Variants in PHF21B observed in about 807,000 individuals in gnomAD.
PHF21B encodes PHD finger protein 21B.
In PHF21B, 22 loss-of-function variants were observed where a neutral mutation model predicts 62.2. The ratio of observed to expected loss-of-function variants is 0.35; its 90% CI spans 0.25 to 0.51. The LOEUF (loss-of-function observed/expected upper bound fraction) is 0.51. Ranked by LOEUF, PHF21B falls within the 20% of genes least tolerant of loss-of-function variation. The probability of loss-of-function intolerance (pLI) is 0.97; values close to 1 mark genes in which losing one functional copy is unlikely to be tolerated. For missense variants in PHF21B, 701 were observed against 707.9 expected (o/e 0.99, Z 0.11); for synonymous variants, 341 against 314.7 (o/e 1.08, Z -0.88).
rs374091804 is a variant in PHF21B, at chr22:44,885,951, C to T, written c.1198-13G>A. 100 of 1,613,050 alleles carry T rather than the reference C, an allele frequency of 6.2e-5. 2 individuals are homozygous for T. In the South Asian group the frequency reaches 6.8e-4, roughly 11 times the overall value. ...CTTTCTTTAAGGCCTGGGGAGCAGA[C>T]GGGGAGATGAAAAAGTGGACAGGCC... On this transcript the variant is annotated splice_polypyrimidine_tract_variant and intron_variant, in intron 10 of 12. Transcript: ENST00000313237.
At chr22:44,949,133 C>A (rs1474922316) in intron 2 of PHF21B, among the ~76,000 whole-genome samples, 1 of 151,980 alleles carries the variant, frequency 6.6e-6, no homozygotes, top group African/African-American at 2.4e-5. Context: ...GAAACCCCGT[C>A]TCTACTAAAA....
At chr22:44,928,705 T>C (rs2071682068) in intron 2 of PHF21B, among the ~76,000 whole-genome samples, 1 of 152,188 alleles carries the variant, frequency 6.6e-6, no homozygotes, top group African/African-American at 2.4e-5. Context: ...CCAACACACA[T>C]GGCTTAAAGG....
intron 2 of PHF21B, among the ~76,000 whole-genome samples, chr22:44,944,978 A>C (rs1182604586): frequency 8.8e-6 from 1 of 113,550 alleles, no homozygotes; most frequent in African/African-American, 3.0e-5. Flanking sequence ...AGCGATCCTT[A>C]CCTCTTAGGA....
intron 2 of PHF21B, among the ~76,000 whole-genome samples, chr22:44,962,453 A>T (rs12159521): frequency 1.5e-4 from 23 of 152,358 alleles, no homozygotes; most frequent in African/African-American, 5.3e-4. Context: ...GGCTGATGGG[A>T]GCTGCAGCTC....
At chr22:44,984,512 G>T (rs565738107) in intron 2 of PHF21B, among the ~76,000 whole-genome samples, 4 of 152,312 alleles carry the variant, frequency 2.6e-5, no homozygotes, top group Admixed American at 1.3e-4. Context: ...TTCCGCAGGT[G>T]AACAGAGCTC....
At chr22:45,008,723 G>C in intron 1 of PHF21B, 113 bp from the exon 2 acceptor site, 2 of 1,168,548 alleles carry the variant, frequency 1.7e-6, no homozygotes, top group South Asian at 8.1e-5. Context: ...GCCGGCCGCA[G>C]CGCACCCCAA....
At chr22:44,950,096 A>G (rs538287300) in intron 2 of PHF21B, among the ~76,000 whole-genome samples, 1 of 152,306 alleles carries the variant, frequency 6.6e-6, no homozygotes, top group East Asian at 1.9e-4. Flanking sequence ...GACCAACATA[A>G]AGTGATCAAT....
chr22:44,918,336 G>A (rs2071476093), intron 3 of PHF21B, among the ~76,000 whole-genome samples: 1 of 152,214 alleles, frequency 6.6e-6, no homozygotes, highest in Admixed American at 6.5e-5. Context: ...CCCACCCTAT[G>A]TAAGCAGACT....
rs745714514 is a variant in PHF21B, at chr22:44,883,118, G to A, written c.1564C>T (p.Pro522Ser). The A allele has an allele frequency of 2.2e-5, 35 of 1,612,286 alleles. No individual in the cohort carries two copies. The highest frequency in any genetic ancestry group is 1.9e-4 in the South Asian group (17 of 91,030). The change falls in exon 13 of 13, where the codon CCC becomes TCC. Residue 522 changes from proline to serine, a missense_variant. Coordinates refer to ENST00000313237, the MANE Select transcript of PHF21B (RefSeq NM_138415.5). ...WTKPSVAATH[P>S]TVQHPQGHN ...TGGCCCTGGGGGTGCTGGACGGTGG[G>A]GTGTGTGGCTGCCACTGAGGGCTTG... is the stretch of plus-strand genomic sequence containing the variant.
intron 2 of PHF21B, among the ~76,000 whole-genome samples, chr22:44,923,426 AC>A (rs1183021419): frequency 1.3e-5 from 2 of 152,208 alleles, no homozygotes; most frequent in Non-Finnish European, 2.9e-5. Context: ...ATAAAATGTA[AC>A]AGAAATCTTT....
intron 2 of PHF21B, among the ~76,000 whole-genome samples, chr22:44,945,398 C>T (rs567064216): frequency 1.1e-4 from 17 of 152,308 alleles, no homozygotes; most frequent in South Asian, 4.2e-4. Context: ...CCCAAGCAGC[C>T]GCCCCTAGAA....
At chr22:44,959,170 G>C (rs2350225) in intron 2 of PHF21B, among the ~76,000 whole-genome samples, 110,073 of 152,028 alleles carry the variant, frequency 0.72, 41,154 homozygotes, top group East Asian at 0.89. Context: ...GGCATGTCCT[G>C]AGACTGCTGA....
At chr22:45,000,000 G>A (rs1427868535) in intron 2 of PHF21B, among the ~76,000 whole-genome samples, 1 of 152,064 alleles carries the variant, frequency 6.6e-6, no homozygotes, top group Non-Finnish European at 1.5e-5. Flanking sequence ...CGAGCACCAG[G>A]CACTCTGCTG....
intron 2 of PHF21B, among the ~76,000 whole-genome samples, chr22:44,972,469 A>C (rs901774980): frequency 6.6e-6 from 1 of 151,942 alleles, no homozygotes; most frequent in Non-Finnish European, 1.5e-5. Flanking sequence ...CCGAAAACCG[A>C]GTGTTGGCAG....
In PHF21B at chr22:44,885,758, G is replaced by C. The variant is rs569028302; in HGVS notation, c.1273+105C>G. 3.7e-5 allele frequency: 46 copies of C among 1,250,980 alleles called. No individual in the cohort carries two copies. In the East Asian group the frequency reaches 1.1e-3, roughly 29 times the overall value. 77.5% of individuals were successfully genotyped at this position (1,250,980 alleles called of 1,614,324 possible). A position where few individuals can be genotyped will look rare whatever the true frequency, so the allele number is the denominator to read the frequency against. Reference sequence around the variant, plus strand: ...CACTTTTCAGTGCTCTGGCCCTGAAGGGAATGGACCCACCTGTCCTCCCAC... The same window carrying C: ...CACTTTTCAGTGCTCTGGCCCTGAACGGAATGGACCCACCTGTCCTCCCAC... On this transcript the variant is annotated intron_variant, in intron 11 of 12. Transcript: ENST00000313237.
chr22:44,979,990 AC>A (rs1294327238), intron 2 of PHF21B, among the ~76,000 whole-genome samples: 2 of 136,644 alleles, frequency 1.5e-5, no homozygotes, highest in African/African-American at 2.7e-5. Flanking sequence ...AATCGCTTGA[AC>A]CCGGGAGACA....
At chr22:44,983,780 C>G (rs1047330544) in intron 2 of PHF21B, among the ~76,000 whole-genome samples, 3 of 152,122 alleles carry the variant, frequency 2.0e-5, no homozygotes, top group African/African-American at 7.2e-5. Flanking sequence ...CTGCTTTTTA[C>G]TCAGAGGATT....
chr22:44,920,750 A>AT (rs1440593218), intron 2 of PHF21B, among the ~76,000 whole-genome samples: 1 of 152,172 alleles, frequency 6.6e-6, no homozygotes, highest in Non-Finnish European at 1.5e-5. Flanking sequence ...TTTTAAGTGA[A>AT]TTTTTTATAC....
chr22:44,927,343 C>T (rs1450237724), intron 2 of PHF21B, among the ~76,000 whole-genome samples: 6 of 152,166 alleles, frequency 3.9e-5, no homozygotes, highest in Admixed American at 2.6e-4. Flanking sequence ...TGCCCTGCAG[C>T]TCTTCAGGGA....
Sources: allele counts gnomAD v4.1 joint callset (sites outside exome capture counted in the v4.1 genomes callset), GRCh38; gene constraint gnomAD v4.1.1; transcripts MANE v1.5; gene names NCBI Gene and HGNC (gene_info 2026-07-23, HGNC 2026-07-21).